CSF1R: variants seen among roughly 807,000 people sequenced by gnomAD.
CSF1R encodes macrophage colony-stimulating factor 1 receptor.
In CSF1R, 40 loss-of-function variants were observed where a neutral mutation model predicts 110.0. The ratio of observed to expected loss-of-function variants is 0.36; its 90% confidence interval spans 0.28 to 0.47. The LOEUF (loss-of-function observed/expected upper bound fraction) is 0.47. Among genes scored for constraint, CSF1R ranks in the 20% least tolerant of loss-of-function variants. The pLI, the probability that CSF1R is intolerant of heterozygous loss-of-function variation, is 0.99. For missense variants in CSF1R, 1,052 were observed against 1,253.0 expected (o/e 0.84, Z 2.42); for synonymous variants, 523 against 503.4 (o/e 1.04, Z -0.52).
At chr5:150,065,293 T>TC (rs1292409480) in intron 10 of CSF1R, among the ~76,000 whole-genome samples, 80 of 152,246 alleles carry the variant, frequency 5.3e-4, no homozygotes, top group African/African-American at 1.8e-3. Context: ...TTGGGGACCC[T>TC]CCTGTTGCTC....
chr5:150,101,664 T>C (rs1475506045), intron 1 of CSF1R, among the ~76,000 whole-genome samples: 11 of 151,026 alleles, frequency 7.3e-5, no homozygotes, highest in South Asian at 2.1e-4. Flanking sequence ...TGCCTTCTTT[T>C]TTTTTTTTTT....
chr5:150,110,705 ATAAC>A (rs1759690996), intron 1 of CSF1R, among the ~76,000 whole-genome samples: 1 of 151,958 alleles, frequency 6.6e-6, no homozygotes, highest in African/African-American at 2.4e-5. Flanking sequence ...TTTGAAAAAT[ATAAC>A]TAAACTATTT....
Position 150,061,481 on chromosome 5 carries a change from CCTCA to C in CSF1R, c.1858+6_1858+9del. 6.3e-7 allele frequency: 1 copy of C among 1,585,224 alleles called. No individual in the cohort carries two copies. On this transcript the variant is annotated splice_donor_region_variant and intron_variant, in intron 12 of 20. Coordinates refer to ENST00000675795, the MANE Select transcript of CSF1R (RefSeq NM_001288705.3). Reference sequence around the variant, plus strand: ...CCCCATCCCTTCCCTCATCCCCTCCCCTCACTCACACTTCAGCATCTTCACAGCC... The same window carrying C: ...CCCCATCCCTTCCCTCATCCCCTCCCCTCACACTTCAGCATCTTCACAGCC...
rs762108992 is a variant in CSF1R at position 150,059,685 on chromosome 5, T to C, written c.2132+15A>G. On this transcript the variant is annotated intron_variant, in intron 14 of 20. Transcript: ENST00000675795. ...CCCAGACCTGGCCTTTTTCTTGTCCTTTGCCAGGGGCTACCTGCGGACATA... is the reference window on the plus strand; with the variant it reads ...CCCAGACCTGGCCTTTTTCTTGTCCCTTGCCAGGGGCTACCTGCGGACATA... The C allele has an allele frequency of 1.2e-5, 19 of 1,612,166 alleles. No homozygotes were observed. The highest frequency in any genetic ancestry group is 1.6e-5 in the Non-Finnish European group (19 of 1,178,374).
At chr5:150,083,328 C>CAATCTCT (rs1758639604) in intron 1 of CSF1R, among the ~76,000 whole-genome samples, 2 of 147,646 alleles carry the variant, frequency 1.4e-5, no homozygotes, top group Non-Finnish European at 3.0e-5. Flanking sequence ...GAATGTGCCC[C>CAATCTCT]AATCTCTACT....
intron 1 of CSF1R, among the ~76,000 whole-genome samples, chr5:150,082,646 G>A (rs572367670): frequency 2.9e-4 from 44 of 152,368 alleles, no homozygotes; most frequent in Admixed American, 2.2e-3. Flanking sequence ...ACAGCTTGGA[G>A]TGTGGGCTCA....
intron 6 of CSF1R, 50 bp from the exon 7 acceptor site, chr5:150,070,621 C>T (rs1757993315): frequency 7.6e-7 from 1 of 1,317,604 alleles, no homozygotes; most frequent in Admixed American, 3.0e-5. Flanking sequence ...TAGTATGGCC[C>T]CTGCCAGGAT....
chr5:150,105,505 T>C (rs1248977135), intron 1 of CSF1R, among the ~76,000 whole-genome samples: 3 of 151,328 alleles, frequency 2.0e-5, no homozygotes, highest in Admixed American at 6.6e-5. Flanking sequence ...CGTGAGCCAC[T>C]ACACCTGGCC....
chr5:150,088,495 CAAA>C (rs1174878257), upstream of CSF1R, among the ~76,000 whole-genome samples: 1 of 151,544 alleles, frequency 6.6e-6, no homozygotes, highest in Non-Finnish European at 1.5e-5. Flanking sequence ...CAAAAATTTT[CAAA>C]AATGTACTAG....
chr5:150,084,436 A>AAGGT, intron 1 of CSF1R, among the ~76,000 whole-genome samples: 1 of 74,888 alleles, frequency 1.3e-5, no homozygotes, highest in East Asian at 2.8e-4. Context: ...GGAAGGAAGG[A>AAGGT]AGGAAGGAAG....
At chr5:150,082,508 T>G (rs1394469535) in intron 1 of CSF1R, among the ~76,000 whole-genome samples, 1 of 152,238 alleles carries the variant, frequency 6.6e-6, no homozygotes. Context: ...TCCTATGCAG[T>G]GCAACTGCCA....
intron 1 of CSF1R, among the ~76,000 whole-genome samples, chr5:150,096,199 G>A (rs1163311167): frequency 6.6e-6 from 1 of 152,172 alleles, no homozygotes; most frequent in Admixed American, 6.5e-5. Context: ...AGACCAGCCT[G>A]GCCAACATGG....
intron 10 of CSF1R, among the ~76,000 whole-genome samples, chr5:150,066,866 C>T (rs1003698767): frequency 7.2e-5 from 11 of 152,154 alleles, no homozygotes; most frequent in Admixed American, 2.0e-4. Context: ...AGACCCCCAA[C>T]CCCACCCTGG....
At chr5:150,066,280 G>A (rs762609372) in intron 10 of CSF1R, among the ~76,000 whole-genome samples, 50 of 152,176 alleles carry the variant, frequency 3.3e-4, no homozygotes, top group Non-Finnish European at 1.3e-4. Flanking sequence ...GTTGTGGTAC[G>A]GAATCCCTCA....
chr5:150,079,250 G>T (rs1253638478), intron 3 of CSF1R, among the ~76,000 whole-genome samples: 2 of 152,172 alleles, frequency 1.3e-5, no homozygotes, highest in African/African-American at 4.8e-5. Context: ...ACACAGCTGG[G>T]GTCCTTTGAC....
At chr5:150,073,537 G>C (rs540245548) in intron 5 of CSF1R, 44 bp from the exon 6 acceptor site, 1 of 1,581,846 alleles carries the variant, frequency 6.3e-7, no homozygotes, top group East Asian at 2.3e-5. Context: ...GTGGGAAGAT[G>C]TCCTTGTTTA....
chr5:150,105,949 A>G (rs1759543318), intron 1 of CSF1R, among the ~76,000 whole-genome samples: 1 of 152,258 alleles, frequency 6.6e-6, no homozygotes, highest in African/African-American at 2.4e-5. Context: ...TTTGCCGATG[A>G]GGAAACCAAG....
At position 150,057,362 on chromosome 5, in the gene CSF1R, C is replaced by T. The variant is rs144976075; in HGVS notation, c.2244G>A (p.Arg748=). Residue 748 remains arginine, a synonymous_variant, in exon 16 of 21, where the codon CGG becomes CGA. Coordinates refer to ENST00000675795, the MANE Select transcript of CSF1R (RefSeq NM_001288705.3). ...GAAGCAGGTCCCGGAGCTCCAGGGGCCGTCCATCCTCCTTGTCCAGGTCTA... is the reference window on the plus strand; with the variant it reads ...GAAGCAGGTCCCGGAGCTCCAGGGGTCGTCCATCCTCCTTGTCCAGGTCTA... ...SEQDLDKEDG[R]PLELRDLLHF... is the part of the protein sequence containing the mutation. 2 of 1,613,940 alleles carry T rather than the reference C, an allele frequency of 1.2e-6. No individual in the cohort carries two copies. Among genetic ancestry groups the T allele is most frequent in the African/African-American group, 1.3e-5 (1 of 74,916 alleles).
At chr5:150,075,046 C>A (rs976746674) in intron 5 of CSF1R, among the ~76,000 whole-genome samples, 2 of 152,224 alleles carry the variant, frequency 1.3e-5, no homozygotes, top group Non-Finnish European at 2.9e-5. Flanking sequence ...GACACAGGAA[C>A]CTCTCACTCC....
Sources: allele counts gnomAD v4.1 joint callset (sites outside exome capture counted in the v4.1 genomes callset), GRCh38; gene constraint gnomAD v4.1.1; transcripts MANE v1.5; gene names NCBI Gene and HGNC (gene_info 2026-07-23, HGNC 2026-07-21).